TMEM91: variants seen among roughly 807,000 people sequenced by gnomAD.
TMEM91 encodes transmembrane protein 91, also known as dispanin subfamily C member 3.
A neutral mutation model predicts 13.3 loss-of-function variants in TMEM91; 6 were observed. The observed-to-expected ratio is 0.45, with a 90% confidence interval of 0.25 to 0.89. The LOEUF (loss-of-function observed/expected upper bound fraction) is 0.89. TMEM91 is among the 40% of genes least tolerant of loss of function. The probability of loss-of-function intolerance (pLI) is 0.19; values close to 1 mark genes in which losing one functional copy is unlikely to be tolerated. For missense variants in TMEM91, 193 were observed against 228.7 expected, an observed-to-expected ratio of 0.84 and a Z score of 1.01; for synonymous variants, 87 against 101.7, an observed-to-expected ratio of 0.86 and a Z score of 0.87.
chr19:41,371,414 TCTCTCTCTCTTTC>T, intron 1 of TMEM91, among the ~76,000 whole-genome samples: 1 of 25,930 alleles, frequency 3.9e-5, no homozygotes, highest in East Asian at 5.9e-4. Flanking sequence ...CCCTCCTTTC[TCTCTCTCTCTTTC>T]TCTCTCTCTT....
rs185828495 is a variant in TMEM91 at position 41,382,094 on chromosome 19, C to T, written c.211-678C>T. On this transcript the variant is annotated intron_variant, in intron 2 of 3. Transcript: ENST00000392002. Reference sequence around the variant, plus strand: ...TTGGCCAGGCTGGTCTCCCAACTCTCGACCTCAGGTGATCCACCCACCTCG... The same window carrying T: ...TTGGCCAGGCTGGTCTCCCAACTCTTGACCTCAGGTGATCCACCCACCTCG... Among the ~76,000 whole-genome samples, 220 of 152,046 alleles carry T rather than the reference C, an allele frequency of 1.4e-3. 1 individual carries two copies. The highest frequency in any genetic ancestry group is 5.1e-3 in the African/African-American group (212 of 41,498).
intron 1 of TMEM91, among the ~76,000 whole-genome samples, chr19:41,368,431 G>GA (rs1212747788): frequency 6.7e-6 from 1 of 148,688 alleles, no homozygotes; most frequent in Admixed American, 6.7e-5. Context: ...TTTTTGGGGG[G>GA]GGTGGTTATT....
intron 2 of TMEM91, among the ~76,000 whole-genome samples, chr19:41,380,173 C>T (rs989528624): frequency 6.6e-6 from 1 of 151,946 alleles, no homozygotes; most frequent in South Asian, 2.1e-4. Flanking sequence ...AGATTACAGG[C>T]GTGAGCCACC....
intron 1 of TMEM91, among the ~76,000 whole-genome samples, chr19:41,378,032 T>G (rs2038765983): frequency 1.1e-5 from 1 of 94,394 alleles, no homozygotes; most frequent in Non-Finnish European, 2.2e-5. Flanking sequence ...GGAGACTTTG[T>G]CTCAAAAAAA....
intron 2 of TMEM91, among the ~76,000 whole-genome samples, chr19:41,381,157 G>A (rs1427528473): frequency 6.7e-6 from 1 of 149,676 alleles, no homozygotes; most frequent in Non-Finnish European, 1.5e-5. Flanking sequence ...TAATCATTTA[G>A]GCCACTGGAG....
At chr19:41,382,608 C>T (rs1053324431) in intron 2 of TMEM91, among the ~76,000 whole-genome samples, 164 bp from the exon 3 acceptor site, 3 of 152,142 alleles carry the variant, frequency 2.0e-5, no homozygotes, top group Non-Finnish European at 4.4e-5. Context: ...AGCAAAACTC[C>T]GTCTCAAACA....
intron 3 of TMEM91, chr19:41,383,411 TA>T: frequency 1.0e-6 from 1 of 966,536 alleles, no homozygotes; most frequent in Non-Finnish European, 1.4e-6. Flanking sequence ...TCCTCATCTG[TA>T]AAGTGGGAAT....
chr19:41,368,344 G>A (rs1203981430), intron 1 of TMEM91, among the ~76,000 whole-genome samples: 1 of 151,724 alleles, frequency 6.6e-6, no homozygotes, highest in Non-Finnish European at 1.5e-5. Flanking sequence ...TTGAGCCCAG[G>A]AGTTTGAGGC....
chr19:41,366,820 C>G (rs1044475534), intron 1 of TMEM91, among the ~76,000 whole-genome samples: 1 of 151,962 alleles, frequency 6.6e-6, no homozygotes, highest in Admixed American at 6.6e-5. Flanking sequence ...AAATTATCGT[C>G]AACTATAAAT....
intron 1 of TMEM91, among the ~76,000 whole-genome samples, chr19:41,366,052 C>CTTTTTTTTTTTTTTTTTTTTTT (rs11375696): frequency 4.7e-5 from 5 of 105,830 alleles, no homozygotes; most frequent in Non-Finnish European, 7.2e-5. Context: ...TATTTATTTA[C>CTTTTTTTTTTTTTTTTTTTTTT]TTTTTTTTTT....
chr19:41,367,139 T>G (rs1476039649), intron 1 of TMEM91, among the ~76,000 whole-genome samples: 1 of 151,554 alleles, frequency 6.6e-6, no homozygotes, highest in Admixed American at 6.6e-5. Flanking sequence ...AGACTTCTAC[T>G]CTCAAAAAAG....
chr19:41,376,699 C>A lies in TMEM91; in HGVS notation c.-185C>A, dbSNP rs1196343507. The A allele has an allele frequency of 1.3e-5, 2 of 152,236 alleles. No homozygotes were observed. The highest frequency in any genetic ancestry group is 4.8e-5 in the African/African-American group (2 of 41,464). 9.4% of individuals were successfully genotyped at this position (152,236 alleles called of 1,614,324 possible). ...GGACAGAGCCTGGGAAGCCGTCGCC[C>A]CGCCCCGTCCCCGCCCCCGCGCGCA... is the stretch of plus-strand genomic sequence containing the variant. On this transcript the variant is annotated 5_prime_UTR_variant, in exon 1 of 4. Transcript: ENST00000392002.
chr19:41,379,812 C>CA (rs2038833869), intron 2 of TMEM91, among the ~76,000 whole-genome samples: 1 of 150,866 alleles, frequency 6.6e-6, no homozygotes, highest in Non-Finnish European at 1.5e-5. Context: ...AGGTTGCATT[C>CA]AGCTGGTGGG....
intron 2 of TMEM91, among the ~76,000 whole-genome samples, chr19:41,380,201 A>G (rs1166211619): frequency 2.6e-5 from 4 of 152,020 alleles, no homozygotes; most frequent in Non-Finnish European, 5.9e-5. Flanking sequence ...GCCGAGTCTT[A>G]GGGCTTCTAT....
intron 2 of TMEM91, among the ~76,000 whole-genome samples, chr19:41,380,707 G>A (rs1022175794): frequency 6.6e-6 from 1 of 151,924 alleles, no homozygotes; most frequent in East Asian, 1.9e-4. Context: ...TCAGGAGTTC[G>A]AGACCAGCCT....
At chr19:41,373,344 A>G (rs1198518231), upstream of TMEM91, among the ~76,000 whole-genome samples, 1 of 151,928 alleles carries the variant, frequency 6.6e-6, no homozygotes, top group Non-Finnish European at 1.5e-5. Flanking sequence ...CTGGAAGTGA[A>G]TTAATCTCTA....
At chr19:41,379,008 G>GT (rs2038803015) in intron 2 of TMEM91, among the ~76,000 whole-genome samples, 1 of 151,698 alleles carries the variant, frequency 6.6e-6, no homozygotes, top group Admixed American at 6.6e-5. Flanking sequence ...ATTTTTTGGT[G>GT]TTTTTTGTAG....
chr19:41,370,203 G>A (rs1173465608), intron 1 of TMEM91, among the ~76,000 whole-genome samples: 1 of 151,712 alleles, frequency 6.6e-6, no homozygotes, highest in South Asian at 2.1e-4. Flanking sequence ...TCAGCCTCCC[G>A]AGTAACTGGT....
At chr19:41,371,892 TG>T (rs1332072735), upstream of TMEM91, among the ~76,000 whole-genome samples, 1 of 152,082 alleles carries the variant, frequency 6.6e-6, no homozygotes, top group Non-Finnish European at 1.5e-5. Context: ...CCCCTTTTTT[TG>T]ACTTGGAGTC....
Sources: allele counts gnomAD v4.1 joint callset (sites outside exome capture counted in the v4.1 genomes callset), GRCh38; gene constraint gnomAD v4.1.1; transcripts MANE v1.5; gene names NCBI Gene and HGNC (gene_info 2026-07-23, HGNC 2026-07-21).